The following RPS6KC1 variants were observed in gnomAD, a reference collection of about 807,000 sequenced individuals.
RPS6KC1 encodes the protein inactive ribosomal protein S6 kinase delta-1.
In RPS6KC1, 54 loss-of-function variants were observed where a neutral mutation model predicts 103.8. The ratio of observed to expected loss-of-function variants is 0.52; its 90% confidence interval spans 0.42 to 0.65. The LOEUF (loss-of-function observed/expected upper bound fraction) is 0.65. RPS6KC1 is among the 30% of genes least tolerant of loss of function. RPS6KC1 has a pLI of 0.00. For missense variants in RPS6KC1, 1,151 were observed against 1,253.8 expected (o/e 0.92, Z 1.24); for synonymous variants, 439 against 438.7 (o/e 1.00, Z -0.01).
intron 10 of RPS6KC1, among the ~76,000 whole-genome samples, chr1:213,234,057 C>G (rs1414579718): frequency 6.8e-6 from 1 of 146,130 alleles, no homozygotes; most frequent in Non-Finnish European, 1.5e-5. Context: ...GGGTCTTGCT[C>G]TGTCTCCTAG....
chr1:213,565,841 C>A, the RPS6KC1 span, among the ~76,000 whole-genome samples: 76 of 152,074 alleles, frequency 5.0e-4, 1 homozygote, highest in South Asian at 2.3e-3. Flanking sequence ...TGCCTGTAAT[C>A]CCAGCTATTC....
At chr1:213,834,806 T>G in the RPS6KC1 span, among the ~76,000 whole-genome samples, 1 of 152,130 alleles carries the variant, frequency 6.6e-6, no homozygotes, top group Non-Finnish European at 1.5e-5. Flanking sequence ...AGGACTGTTT[T>G]CCGCATTCTG....
At position 213,241,123 on chromosome 1, in the gene RPS6KC1, C is replaced by A; in HGVS notation, c.1647C>A (p.Ser549Arg). The A allele has an allele frequency of 6.2e-7, 1 of 1,613,784 alleles. No homozygotes were observed. Among genetic ancestry groups the A allele is most frequent in the Non-Finnish European group, 8.5e-7 (1 of 1,179,888 alleles). Residue 549 changes from serine (S) to arginine (R), a missense_variant, in exon 11 of 15, where the codon AGC becomes AGA. Ser to Arg is a moderately radical substitution (Grantham distance 110). This residue lies in a region of RPS6KC1 where 959 missense variants were observed against 1,006.3 expected (regional missense o/e 0.95). Coordinates refer to ENST00000366960, the MANE Select transcript of RPS6KC1 (RefSeq NM_012424.6). Reference protein sequence around the residue: ...GNGVDTKAIKSFPAHLAADSD... With the variant: ...GNGVDTKAIKRFPAHLAADSD... ...GTGTTGATACAAAAGCTATTAAAAG[C>A]TTCCCAGCACACCTTGCTGCTGACA...
At chr1:213,341,119 C>T in the RPS6KC1 span, among the ~76,000 whole-genome samples, 4 of 152,224 alleles carry the variant, frequency 2.6e-5, no homozygotes, top group South Asian at 4.1e-4. Flanking sequence ...GTGTAACCGG[C>T]CATAGTTTGT....
the RPS6KC1 span, among the ~76,000 whole-genome samples, chr1:213,452,660 C>T: frequency 6.6e-6 from 1 of 152,202 alleles, no homozygotes; most frequent in Non-Finnish European, 1.5e-5. Context: ...CTGTGGCCAG[C>T]ACTGTCCACT....
At chr1:213,054,448 G>T (rs538134246) in intron 1 of RPS6KC1, among the ~76,000 whole-genome samples, 4 of 152,270 alleles carry the variant, frequency 2.6e-5, no homozygotes, top group African/African-American at 9.6e-5. Context: ...GAGAGTTAAG[G>T]AGAAAAACAC....
intron 6 of RPS6KC1, among the ~76,000 whole-genome samples, chr1:213,146,234 A>C (rs542541561): frequency 6.6e-6 from 1 of 151,432 alleles, no homozygotes; most frequent in South Asian, 2.1e-4. Flanking sequence ...ATTCTTTTTC[A>C]TGGCTCAATA....
intron 6 of RPS6KC1, among the ~76,000 whole-genome samples, chr1:213,148,351 T>A (rs996595834): frequency 1.3e-5 from 2 of 152,188 alleles, no homozygotes; most frequent in Admixed American, 6.5e-5. Context: ...GGTGTGTTCC[T>A]TATATATCCA....
chr1:213,549,612 C>CTTTTTTTTTTTTTTTT, the RPS6KC1 span, among the ~76,000 whole-genome samples: 8 of 86,918 alleles, frequency 9.2e-5, no homozygotes, highest in African/African-American at 3.4e-4. Flanking sequence ...TTTTCTTTTC[C>CTTTTTTTTTTTTTTTT]TTTTTTTTTT....
chr1:213,443,981 C>T, the RPS6KC1 span, among the ~76,000 whole-genome samples: 7 of 152,144 alleles, frequency 4.6e-5, no homozygotes, highest in Non-Finnish European at 1.0e-4. Flanking sequence ...GTGGCTTAAG[C>T]CACAGAAGTT....
the RPS6KC1 span, among the ~76,000 whole-genome samples, chr1:213,690,830 A>G: frequency 2.8e-4 from 42 of 152,342 alleles, no homozygotes; most frequent in African/African-American, 8.9e-4. Flanking sequence ...AGTGGCTTGC[A>G]CAAAGTGGGC....
At chr1:213,072,322 T>A (rs2078961766) in intron 2 of RPS6KC1, among the ~76,000 whole-genome samples, 1 of 152,142 alleles carries the variant, frequency 6.6e-6, no homozygotes, top group African/African-American at 2.4e-5. Context: ...ATTTTATACA[T>A]TATCATTTCT....
intron 10 of RPS6KC1, among the ~76,000 whole-genome samples, chr1:213,236,846 A>G (rs2094232380): frequency 1.3e-5 from 2 of 152,138 alleles, no homozygotes; most frequent in African/African-American, 4.8e-5. Context: ...TTAAGGCCCC[A>G]AGGAGTAAAA....
At chr1:213,481,640 T>C in the RPS6KC1 span, among the ~76,000 whole-genome samples, 3 of 152,312 alleles carry the variant, frequency 2.0e-5, no homozygotes, top group East Asian at 5.8e-4. Flanking sequence ...ATCTCCTGTT[T>C]TTTTGAAACA....
chr1:213,503,063 G>A, the RPS6KC1 span, among the ~76,000 whole-genome samples: 1 of 151,702 alleles, frequency 6.6e-6, no homozygotes, highest in Non-Finnish European at 1.5e-5. Context: ...CTAAAAAGTG[G>A]CTTTTTTTTT....
chr1:213,728,473 T>C, the RPS6KC1 span, among the ~76,000 whole-genome samples: 1 of 152,182 alleles, frequency 6.6e-6, no homozygotes, highest in African/African-American at 2.4e-5. Flanking sequence ...AGCTAGTCTT[T>C]ATAAAGACTC....
At chr1:213,455,070 G>C in the RPS6KC1 span, among the ~76,000 whole-genome samples, 1 of 152,144 alleles carries the variant, frequency 6.6e-6, no homozygotes, top group African/African-American at 2.4e-5. Flanking sequence ...GGACATTGAG[G>C]GGAGAAAGGC....
chr1:213,210,543 C>T (rs2093475170), intron 8 of RPS6KC1, among the ~76,000 whole-genome samples: 1 of 152,168 alleles, frequency 6.6e-6, no homozygotes, highest in Non-Finnish European at 1.5e-5. Context: ...TACTTTGTTG[C>T]AGTCGATGAA....
chr1:213,169,093 A>G (rs1016838971), intron 7 of RPS6KC1, among the ~76,000 whole-genome samples: 1 of 152,200 alleles, frequency 6.6e-6, no homozygotes, highest in Admixed American at 6.5e-5. Context: ...GATTACACAT[A>G]TACACATAAA....
Sources: allele counts gnomAD v4.1 joint callset (sites outside exome capture counted in the v4.1 genomes callset), GRCh38; gene constraint gnomAD v4.1.1; regional missense constraint gnomAD v4.1.1; transcripts MANE v1.5; gene names NCBI Gene and HGNC (gene_info 2026-07-23, HGNC 2026-07-21).